The following FOXO3B variants were observed in gnomAD, a reference collection of about 807,000 sequenced individuals.
FOXO3B encodes the protein forkhead box O3B, also known as forkhead box protein O3B.
Under a neutral mutation model 21.9 loss-of-function variants are expected in FOXO3B, and 15 were observed. That is an observed-to-expected ratio of 0.68 (90% CI 0.46 to 1.05). The LOEUF is 1.05. Ranked by LOEUF, FOXO3B falls within the 50% of genes least tolerant of loss-of-function variation. The pLI is 0.00. For missense variants in FOXO3B, 293 were observed against 435.5 expected, an observed-to-expected ratio of 0.67 and a Z score of 2.91; for synonymous variants, 135 against 213.6, an observed-to-expected ratio of 0.63 and a Z score of 3.21.
chr17:18,672,655 C>G lies in FOXO3B; in HGVS notation c.527G>C (p.Gly176Ala). Residue 176 changes from glycine to alanine, a missense_variant, in exon 4 of 4, where the codon GGG (glycine) becomes GCG (alanine). Physicochemically the swap from Gly to Ala is moderately conservative, Grantham distance 60. Around this residue, in one of 2 missense-constraint regions of FOXO3B, gnomAD observed 251 missense variants for 404.0 expected, o/e 0.62. Coordinates refer to ENST00000395675, the MANE Select transcript of FOXO3B (RefSeq NM_001368135.1). This position sits in a 1 kb window ranked among gnomAD's most constrained non-coding sequence, Gnocchi z 4.2. ...CCGGACCGAGTCCTCAAGGAGCAGC[C>G]CGGAGACCAGCGTGCGGCTCCCGCC... ...GGGGSRTLVS[G>A]LLLEDSVRVL... The G allele has an allele frequency of 6.6e-7, 1 of 1,508,902 alleles. No homozygotes were observed. Among genetic ancestry groups the G allele is most frequent in the Non-Finnish European group, 8.8e-7 (1 of 1,136,370 alleles). 93.5% of individuals were successfully genotyped at this position (1,508,902 alleles called of 1,614,324 possible).
At chr17:18,674,558 A>G (rs1194418232) in intron 3 of FOXO3B, among the ~76,000 whole-genome samples, 24 of 146,796 alleles carry the variant, frequency 1.6e-4, no homozygotes, top group African/African-American at 5.8e-4. Flanking sequence ...CCCAGGAGGC[A>G]GAGCTTGCAG....
intron 3 of FOXO3B, among the ~76,000 whole-genome samples, 185 bp from the exon 4 acceptor site, chr17:18,673,240 T>A (rs1438057054): frequency 6.6e-6 from 1 of 151,994 alleles, no homozygotes; most frequent in African/African-American, 2.4e-5. Context: ...AATAAAAAAA[T>A]ATACTGTGCT....
Position 18,671,331 on chromosome 17 carries a change from T to C in FOXO3B, c.*978A>G. The C allele has an allele frequency of 6.2e-7, 1 of 1,613,398 alleles. No homozygotes were observed. The highest frequency in any genetic ancestry group is 8.5e-7 in the Non-Finnish European group (1 of 1,179,752). On this transcript the variant is annotated 3_prime_UTR_variant, in exon 4 of 4. Coordinates refer to ENST00000395675, the MANE Select transcript of FOXO3B (RefSeq NM_001368135.1). ...GGTTTGGTGCTGGTGGTGGAGCAAG[T>C]TCTGATTGACCACACTTCCCTGGTT...
intron 3 of FOXO3B, among the ~76,000 whole-genome samples, chr17:18,678,649 A>T (rs917417161): frequency 2.6e-5 from 4 of 151,848 alleles, no homozygotes; most frequent in East Asian, 3.8e-4. Flanking sequence ...AGTTTTAAAA[A>T]TTTTCCATAA....
chr17:18,680,445 A>C (rs2032564308), intron 3 of FOXO3B, among the ~76,000 whole-genome samples: 1 of 151,946 alleles, frequency 6.6e-6, no homozygotes. Context: ...TTATATTTAA[A>C]ATAGTTTCTC....
Position 18,669,209 on chromosome 17 carries a change from G to C in FOXO3B, c.*3100C>G, listed in dbSNP as rs1023746576. The stretch of plus-strand genomic sequence containing the variant: ...GTTATAAAGCCAAGGCGCACAAGGG[G>C]GCCCCTGGTGGCCGGTGGTGTGTGC... On this transcript the variant is annotated 3_prime_UTR_variant, in exon 4 of 4. Transcript: ENST00000395675. 2.2e-5 allele frequency: 3 copies of C among 139,118 alleles called. No individual in the cohort carries two copies. The highest frequency in any genetic ancestry group is 8.5e-5 in the African/African-American group (3 of 35,474). The allele number at this position is 139,118 out of a possible 1,614,324, so 8.6% of individuals were successfully genotyped here. A position where few individuals can be genotyped will look rare whatever the true frequency, so the allele number is the denominator to read the frequency against.
At chr17:18,677,793 CCT>C in intron 3 of FOXO3B, 1 of 1,366,866 alleles carries the variant, frequency 7.3e-7, no homozygotes, top group Non-Finnish European at 1.0e-6. Flanking sequence ...GTGACCCCAA[CCT>C]CTCCTGTCCC....
intron 3 of FOXO3B, chr17:18,677,712 G>A (rs2032517887): frequency 1.3e-6 from 2 of 1,598,716 alleles, no homozygotes; most frequent in South Asian, 1.1e-5. Context: ...TAAGAAGCTG[G>A]CGGCCAAGAA....
chr17:18,672,344 T>C lies in FOXO3B; in HGVS notation c.838A>G (p.Lys280Glu). The C allele has an allele frequency of 2.5e-6, 4 of 1,611,530 alleles. No homozygotes were observed. The highest frequency in any genetic ancestry group is 2.5e-6 in the Non-Finnish European group (3 of 1,178,420). The change falls in exon 4 of 4, where the codon AAG (lysine) becomes GAG (glutamate). Residue 280 changes from lysine (K) to glutamate (E), a missense_variant. This residue lies in a region of FOXO3B where 42 missense variants were observed against 31.5 expected (regional missense o/e 1.33). Transcript: ENST00000395675. The surrounding 1 kb of genome is among the most constrained non-coding windows in gnomAD (Gnocchi z 4.2). ...EWMVSCVPYF[K>E]DKGNSNSSAG ...GAGCTGTTGCTGTTGCCCTTATCCT[T>C]GAAGTAGGGCACGCAACTCACCATC...
Position 18,672,121 on chromosome 17 carries a change from T to C in FOXO3B, c.*188A>G. ...GGCTGTCTGCAGGGCTGCCTTCTTC[T>C]TGGCTGTGCGGCCACGGCTCTTGGT... On this transcript the variant is annotated 3_prime_UTR_variant, in exon 4 of 4. Transcript: ENST00000395675. The surrounding 1 kb of genome is among the most constrained non-coding windows in gnomAD (Gnocchi z 4.2). 4 of 1,611,924 alleles carry C rather than the reference T, an allele frequency of 2.5e-6. No individual in the cohort carries two copies. The highest frequency in any genetic ancestry group is 1.1e-5 in the South Asian group (1 of 90,796).
chr17:18,671,276 C>A lies in FOXO3B; in HGVS notation c.*1033G>T. ...AGCCCATGTTGCTGACAGAATTCGA[C>A]AAGGCACGGCTGCCACCAAGAGCGC... is the stretch of plus-strand genomic sequence containing the variant. On this transcript the variant is annotated 3_prime_UTR_variant, in exon 4 of 4. Transcript: ENST00000395675. 12 of 1,468,688 alleles carry A rather than the reference C, an allele frequency of 8.2e-6. No individual in the cohort carries two copies. The South Asian group carries it at 1.4e-4, about 17-fold the overall frequency. 91.0% of individuals were successfully genotyped at this position (1,468,688 alleles called of 1,614,324 possible).
chr17:18,679,173 A>C (rs567273904), intron 3 of FOXO3B, among the ~76,000 whole-genome samples: 1 of 152,292 alleles, frequency 6.6e-6, no homozygotes, highest in South Asian at 2.1e-4. Flanking sequence ...TTTGTTAGTC[A>C]ATAGTTACTT....
intron 3 of FOXO3B, among the ~76,000 whole-genome samples, chr17:18,679,100 T>G (rs2032541473): frequency 6.6e-6 from 1 of 151,752 alleles, no homozygotes; most frequent in African/African-American, 2.4e-5. Flanking sequence ...GTCAGTAAAA[T>G]GAAGAATTAG....
intron 3 of FOXO3B, among the ~76,000 whole-genome samples, chr17:18,676,427 T>A (rs2032482767): frequency 1.3e-5 from 2 of 152,208 alleles, no homozygotes; most frequent in Non-Finnish European, 1.5e-5. Context: ...AGTTTATTCA[T>A]ACAGTGGACT....
At position 18,673,061 on chromosome 17, in the gene FOXO3B, G is replaced by T; in HGVS notation, c.127-6C>A. On this transcript the variant is annotated splice_region_variant and splice_polypyrimidine_tract_variant and intron_variant, in intron 3 of 3. Coordinates refer to ENST00000395675, the MANE Select transcript of FOXO3B (RefSeq NM_001368135.1). ...GCCGCCGCCGCCGCCGCCGCCTGGG[G>T]AAGCACGAGAGAAGAGAGAAGGAGA... 6.8e-7 allele frequency: 1 copy of T among 1,460,788 alleles called. No individual in the cohort carries two copies. Among genetic ancestry groups the T allele is most frequent in the East Asian group, 3.1e-5 (1 of 32,540 alleles). 90.5% of individuals were successfully genotyped at this position (1,460,788 alleles called of 1,614,324 possible). A position where few individuals can be genotyped will look rare whatever the true frequency, so the allele number is the denominator to read the frequency against.
chr17:18,675,700 A>C (rs1379655821), intron 3 of FOXO3B, among the ~76,000 whole-genome samples: 1 of 152,220 alleles, frequency 6.6e-6, no homozygotes, highest in East Asian at 1.9e-4. Flanking sequence ...GGTTTACCAC[A>C]GGTAGCATTA....
chr17:18,681,261 A>G (rs1039094817), intron 2 of FOXO3B: 15 of 433,680 alleles, frequency 3.5e-5, no homozygotes, highest in Admixed American at 1.5e-4. Context: ...TCACAGCACA[A>G]CCTTCACGAA....
chr17:18,675,341 AT>A (rs748938959), intron 3 of FOXO3B, among the ~76,000 whole-genome samples: 1 of 152,126 alleles, frequency 6.6e-6, no homozygotes, highest in Non-Finnish European at 1.5e-5. Context: ...ACTACAAAAA[AT>A]ATCTGTAACA....
At chr17:18,679,219 G>A (rs1308169323) in intron 3 of FOXO3B, among the ~76,000 whole-genome samples, 2 of 152,152 alleles carry the variant, frequency 1.3e-5, no homozygotes, top group Non-Finnish European at 2.9e-5. Flanking sequence ...GATTTTATCC[G>A]CTGCAACTTA....
Sources: gnomAD v4.1 joint callset for allele counts (sites outside exome capture counted in the v4.1 genomes callset) on GRCh38, gnomAD v4.1.1 for gene constraint, gnomAD v4.1.1 regional missense constraint, Gnocchi (gnomAD v3.1) non-coding constraint, MANE v1.5 for transcripts, NCBI Gene and HGNC (gene_info 2026-07-23, HGNC 2026-07-21) for gene names.